HSD3B7: variants seen among roughly 807,000 people sequenced by gnomAD.
HSD3B7 encodes 3 beta-hydroxysteroid dehydrogenase type 7.
HSD3B7 carries 35 observed loss-of-function variants against 34.3 expected under a neutral mutation model. The ratio of observed to expected loss-of-function variants is 1.02; its 90% confidence interval spans 0.78 to 1.35. The LOEUF is 1.35. Ranked by LOEUF, HSD3B7 falls within the 40% of genes most tolerant of loss-of-function variation. The probability of loss-of-function intolerance (pLI) is 0.00; values close to 1 mark genes in which losing one functional copy is unlikely to be tolerated. For missense variants in HSD3B7, 426 were observed against 504.7 expected (o/e 0.84, Z 1.49); for synonymous variants, 217 against 220.1 (o/e 0.99, Z 0.13).
chr16:30,988,025 C>G lies in HSD3B7; in HGVS notation c.952C>G (p.Leu318Val). The G allele has an allele frequency of 6.2e-7, 1 of 1,608,000 alleles. No individual in the cohort carries two copies. The highest frequency in any genetic ancestry group is 8.5e-7 in the Non-Finnish European group (1 of 1,179,978). The change falls in exon 7 of 7, where the codon CTG becomes GTG. Residue 318 changes from leucine (L) to valine (V), a missense_variant. Transcript: ENST00000297679. The part of the protein sequence containing the change: ...LLRPLVLYAP[L>V]LNPYTLAVAN... ...GCGGCCACTGGTGCTCTACGCACCCCTGCTGAACCCCTACACGCTGGCCGT... is the reference window on the plus strand; with the variant it reads ...GCGGCCACTGGTGCTCTACGCACCCGTGCTGAACCCCTACACGCTGGCCGT...
chr16:30,988,086 C>T lies in HSD3B7; in HGVS notation c.1013C>T (p.Ala338Val). The change falls in exon 7 of 7, where the codon GCT (alanine) becomes GTT (valine). Residue 338 changes from alanine (A) to valine (V), a missense_variant. Ala to Val is a moderately conservative substitution (Grantham distance 64). Transcript: ENST00000297679. ...ACCTTCACCGTCAGCACCGACAAGGCTCAGCGCCATTTCGGCTATGAGCCC... is the reference window on the plus strand; with the variant it reads ...ACCTTCACCGTCAGCACCGACAAGGTTCAGCGCCATTTCGGCTATGAGCCC... ...NTTFTVSTDK[A>V]QRHFGYEPLF... is the part of the protein sequence containing the mutation. 1 of 1,606,178 alleles carries T rather than the reference C, an allele frequency of 6.2e-7. No individual in the cohort carries two copies. The highest frequency in any genetic ancestry group is 8.5e-7 in the Non-Finnish European group (1 of 1,178,868).
rs2056510613 is a variant in HSD3B7, at chr16:30,987,955, G to T, written c.882G>T (p.Leu294=). The T allele has an allele frequency of 6.2e-7, 1 of 1,612,400 alleles. No homozygotes were observed. Among genetic ancestry groups the T allele is most frequent in the African/African-American group, 1.3e-5 (1 of 74,934 alleles). The part of the protein sequence containing the change: ...VGARPLLPYW[L]LVFLAALNAL... ...CCCGCCCATTGCTGCCCTACTGGCT[G>T]CTGGTGTTCCTGGCTGCCCTCAATG... The change falls in exon 7 of 7, where the codon CTG becomes CTT. Residue 294 remains leucine (L), a synonymous_variant. Coordinates refer to ENST00000297679, the MANE Select transcript of HSD3B7 (RefSeq NM_025193.4).
rs2056523857 is a variant in HSD3B7 at position 30,988,731 on chromosome 16, A to G, written c.*548A>G. ...AGGACACGGGAGGGTTTGGGGACAGAGTGTCCTTCCTCTGTCCTCTCATCC... is the reference window on the plus strand; with the variant it reads ...AGGACACGGGAGGGTTTGGGGACAGGGTGTCCTTCCTCTGTCCTCTCATCC... On this transcript the variant is annotated 3_prime_UTR_variant, in exon 7 of 7. Transcript: ENST00000297679. 1 of 154,978 alleles carries G rather than the reference A, an allele frequency of 6.5e-6. No individual in the cohort carries two copies. 9.6% of individuals were successfully genotyped at this position (154,978 alleles called of 1,614,324 possible).
At chr16:30,985,890 A>AT (rs1168854367) in intron 2 of HSD3B7, 66 bp downstream of exon 2, 3 of 1,586,014 alleles carry the variant, frequency 1.9e-6, no homozygotes, top group Non-Finnish European at 2.6e-6. Flanking sequence ...CCAAGCTGGG[A>AT]TCCCCACCCC....
Position 30,987,920 on chromosome 16 carries a change from C to T in HSD3B7, c.847C>T (p.Leu283=). 6.2e-7 allele frequency: 1 copy of T among 1,613,652 alleles called. No homozygotes were observed. Among genetic ancestry groups the T allele is most frequent in the Non-Finnish European group, 8.5e-7 (1 of 1,180,002 alleles). Residue 283 remains leucine (L), a synonymous_variant, in exon 7 of 7, where the codon CTG becomes TTG. Coordinates refer to ENST00000297679, the MANE Select transcript of HSD3B7 (RefSeq NM_025193.4). ...GTTCCTGGGCCCCTGCGGACTGCGG[C>T]TGGTGGGCGCCCGCCCATTGCTGCC... ...MEFLGPCGLR[L]VGARPLLPYW...
Position 30,986,073 on chromosome 16 carries a change from A to G in HSD3B7, c.191A>G (p.Gln64Arg). Residue 64 changes from glutamine to arginine, a missense_variant, in exon 3 of 7, where the codon CAG (glutamine) becomes CGG (arginine). By Grantham distance (43) the Gln-to-Arg change is conservative (BLOSUM62 1). Coordinates refer to ENST00000297679, the MANE Select transcript of HSD3B7 (RefSeq NM_025193.4). Reference protein sequence around the residue: ...KTGPVRVTAIQGDVTQAHEVA... With the variant: ...KTGPVRVTAIRGDVTQAHEVA... ...GGGCCTGTGAGGGTGACTGCCATCC[A>G]GGGGGACGTGACCCAGGCCCATGAG... The G allele has an allele frequency of 6.2e-7, 1 of 1,613,406 alleles. No individual in the cohort carries two copies. Among genetic ancestry groups the G allele is most frequent in the Non-Finnish European group, 8.5e-7 (1 of 1,179,938 alleles).
rs2056519898 is a variant in HSD3B7, at chr16:30,988,414, C to T, written c.*231C>T. ...GTGGTGTGATCATAGCTCACTGCAC[C>T]CTCAACCTCCTGGGTTCAAGCAATC... On this transcript the variant is annotated 3_prime_UTR_variant, in exon 7 of 7. Coordinates refer to ENST00000297679, the MANE Select transcript of HSD3B7 (RefSeq NM_025193.4). 1.9e-6 allele frequency: 1 copy of T among 528,160 alleles called. No individual in the cohort carries two copies. Among genetic ancestry groups the T allele is most frequent in the African/African-American group, 1.9e-5 (1 of 52,618 alleles). 32.7% of individuals were successfully genotyped at this position (528,160 alleles called of 1,614,324 possible). A position where few individuals can be genotyped will look rare whatever the true frequency, so the allele number is the denominator to read the frequency against.
chr16:30,988,116 T>C lies in HSD3B7; in HGVS notation c.1043T>C (p.Phe348Ser), dbSNP rs2056515090. 6.2e-7 allele frequency: 1 copy of C among 1,606,336 alleles called. No homozygotes were observed. Among genetic ancestry groups the C allele is most frequent in the South Asian group, 1.1e-5 (1 of 91,016 alleles). ...CGCCATTTCGGCTATGAGCCCCTGT[T>C]CTCGTGGGAGGATAGCCGGACCCGT... ...AQRHFGYEPL[F>S]SWEDSRTRTI... Residue 348 changes from phenylalanine (F) to serine (S), a missense_variant, in exon 7 of 7, where the codon TTC becomes TCC. Coordinates refer to ENST00000297679, the MANE Select transcript of HSD3B7 (RefSeq NM_025193.4).
rs1596707417 is a variant in HSD3B7 at position 30,987,602 on chromosome 16, G to C, written c.695-166G>C. On this transcript the variant is annotated intron_variant, in intron 6 of 6. Transcript: ENST00000297679. ...TGCAGATGCAGGCTGGCCCAGGAGAGCAAGTGACTACCAGGGCGAGGGAGA... is the reference window on the plus strand; with the variant it reads ...TGCAGATGCAGGCTGGCCCAGGAGACCAAGTGACTACCAGGGCGAGGGAGA... 18 of 756,646 alleles carry C rather than the reference G, an allele frequency of 2.4e-5. No individual in the cohort carries two copies. In the East Asian group the frequency reaches 4.4e-4, roughly 18 times the overall value. 46.9% of individuals were successfully genotyped at this position (756,646 alleles called of 1,614,324 possible).
At chr16:30,985,319 G>A (rs1345984002) in intron 1 of HSD3B7, 22 bp downstream of exon 1, 4 of 1,227,884 alleles carry the variant, frequency 3.3e-6, no homozygotes, top group East Asian at 4.9e-5. Context: ...CGCTGCCAGT[G>A]CCCAGGTGGC....
chr16:30,988,235 G>C lies in HSD3B7; in HGVS notation c.*52G>C, dbSNP rs144297694. 6.6e-7 allele frequency: 1 copy of C among 1,521,388 alleles called. No individual in the cohort carries two copies. The highest frequency in any genetic ancestry group is 8.8e-7 in the Non-Finnish European group (1 of 1,131,820). The allele number at this position is 1,521,388 out of a possible 1,614,324, so 94.2% of individuals were successfully genotyped here. ...GATACAGCACATCCACCCAGGTCCC[G>C]AGCCCTCACACCCTGGACGGGAAGG... On this transcript the variant is annotated 3_prime_UTR_variant, in exon 7 of 7. Coordinates refer to ENST00000297679, the MANE Select transcript of HSD3B7 (RefSeq NM_025193.4).
Position 30,987,013 on chromosome 16 carries a change from G to A in HSD3B7, c.694+11G>A. Reference sequence around the variant, plus strand: ...GCCGGGTCTATGTGGGTGAGGACTGGGCTAGGCAGGGGGAGGCTGAGAATA... The same window carrying A: ...GCCGGGTCTATGTGGGTGAGGACTGAGCTAGGCAGGGGGAGGCTGAGAATA... On this transcript the variant is annotated intron_variant, in intron 6 of 6. Transcript: ENST00000297679. The A allele has an allele frequency of 6.2e-7, 1 of 1,603,644 alleles. No homozygotes were observed. The highest frequency in any genetic ancestry group is 1.7e-4 in the Middle Eastern group (1 of 6,038).
At chr16:30,985,911 C>G (rs1319661532) in intron 2 of HSD3B7, 87 bp downstream of exon 2, 5 of 1,582,674 alleles carry the variant, frequency 3.2e-6, no homozygotes, top group Non-Finnish European at 3.4e-6. Flanking sequence ...TGCAGTGGAA[C>G]AGATGATGCT....
intron 1 of HSD3B7, 101 bp downstream of exon 1, chr16:30,985,398 C>T: frequency 7.2e-7 from 1 of 1,382,636 alleles, no homozygotes; most frequent in Non-Finnish European, 9.4e-7. Context: ...TCCTGGCCTC[C>T]CCACCCTTTT....
rs150681074 is a variant in HSD3B7 at position 30,987,917 on chromosome 16, C to A, written c.844C>A (p.Arg282=). 4.3e-6 allele frequency: 7 copies of A among 1,613,734 alleles called. No homozygotes were observed. Among genetic ancestry groups the A allele is most frequent in the Non-Finnish European group, 5.9e-6 (7 of 1,180,000 alleles). Residue 282 remains arginine (R), a synonymous_variant, in exon 7 of 7, where the codon CGG becomes AGG. Coordinates refer to ENST00000297679, the MANE Select transcript of HSD3B7 (RefSeq NM_025193.4). ...GGAGTTCCTGGGCCCCTGCGGACTG[C>A]GGCTGGTGGGCGCCCGCCCATTGCT... ...NMEFLGPCGL[R]LVGARPLLPY... is the part of the protein sequence containing the mutation.
intron 6 of HSD3B7, chr16:30,987,233 CA>C (rs2056495029): frequency 1.8e-6 from 1 of 570,092 alleles, no homozygotes; most frequent in Non-Finnish European, 3.1e-6. Flanking sequence ...GAGAAGATTG[CA>C]GCTATGGGAG....
At chr16:30,987,381 A>G in intron 6 of HSD3B7, 1 of 413,434 alleles carries the variant, frequency 2.4e-6, no homozygotes, top group Non-Finnish European at 4.5e-6. Context: ...CAGGAGTTGG[A>G]GGCTGCAGTG....
Position 30,986,433 on chromosome 16 carries a change from C to A in HSD3B7, c.333C>A (p.Asn111Lys). The A allele has an allele frequency of 1.9e-6, 3 of 1,614,034 alleles. No homozygotes were observed. Among genetic ancestry groups the A allele is most frequent in the Non-Finnish European group, 2.5e-6 (3 of 1,179,936 alleles). ...IHEVNVQGTR[N>K]VIEACVQTGT... ...CTCCTCCTCTGCCAGGTACCCGGAA[C>A]GTGATCGAGGCTTGTGTGCAGACCG... Residue 111 changes from asparagine (N) to lysine (K), a missense_variant, in exon 4 of 7, where the codon AAC (asparagine) becomes AAA (lysine). By Grantham distance (94) the Asn-to-Lys change is moderately conservative. Transcript: ENST00000297679.
In HSD3B7 at chr16:30,987,945, C is replaced by G. The variant is rs1210704749; in HGVS notation, c.872C>G (p.Pro291Arg). Residue 291 changes from proline (P) to arginine (R), a missense_variant, in exon 7 of 7, where the codon CCC becomes CGC. Pro to Arg is a moderately radical substitution (Grantham distance 103). Coordinates refer to ENST00000297679, the MANE Select transcript of HSD3B7 (RefSeq NM_025193.4). ...LRLVGARPLL[P>R]YWLLVFLAAL... ...CTGGTGGGCGCCCGCCCATTGCTGC[C>G]CTACTGGCTGCTGGTGTTCCTGGCT... is the stretch of plus-strand genomic sequence containing the variant. 15 of 1,613,070 alleles carry G rather than the reference C, an allele frequency of 9.3e-6. No homozygotes were observed. Among genetic ancestry groups the G allele is most frequent in the Non-Finnish European group, 1.1e-5 (13 of 1,180,006 alleles).
Sources: allele counts gnomAD v4.1 joint callset, GRCh38; gene constraint gnomAD v4.1.1; transcripts MANE v1.5; gene names NCBI Gene and HGNC (gene_info 2026-07-23, HGNC 2026-07-21).